The following CDC123 variants were observed in gnomAD, a reference collection of about 807,000 sequenced individuals.
CDC123 encodes translation initiation factor eIF2 assembly protein.
In CDC123, 37 loss-of-function variants were observed where a neutral mutation model predicts 54.4. The ratio of observed to expected loss-of-function variants is 0.68; its 90% CI spans 0.52 to 0.89. The LOEUF is 0.89. Ranked by LOEUF, CDC123 falls within the 40% of genes least tolerant of loss-of-function variation. CDC123 has a pLI of 0.00. For synonymous variants in CDC123, 144 were observed against 136.8 expected (o/e 1.05, Z -0.37); for missense variants, 361 against 412.1 (o/e 0.88, Z 1.07).
intron 12 of CDC123, 64 bp from the exon 13 acceptor site, chr10:12,250,247 C>A: frequency 1.0e-6 from 1 of 991,232 alleles, no homozygotes; most frequent in Non-Finnish European, 1.5e-6. Flanking sequence ...GAAAATTACA[C>A]CTGCTGAGCA....
chr10:12,246,527 C>A, intron 11 of CDC123: 1 of 357,902 alleles, frequency 2.8e-6, no homozygotes, highest in Non-Finnish European at 5.1e-6. Context: ...TTCTGTCACA[C>A]CCACCTGGAG....
At chr10:12,239,155 C>T (rs535173590) in intron 10 of CDC123, among the ~76,000 whole-genome samples, 1 of 152,026 alleles carries the variant, frequency 6.6e-6, no homozygotes, top group African/African-American at 2.4e-5. Flanking sequence ...ACCCCATCCC[C>T]TCCTCAAATT....
At chr10:12,212,083 G>A (rs925429892) in intron 4 of CDC123, among the ~76,000 whole-genome samples, 4 of 151,650 alleles carry the variant, frequency 2.6e-5, no homozygotes, top group South Asian at 2.1e-4. Context: ...GAGAGACTCC[G>A]TCTCAAAAAA....
In CDC123 at chr10:12,198,107, G is replaced by C. The variant is rs116894787; in HGVS notation, c.75-598G>C. ...TAAGTTTTTAAGAGACTTCAGGTAT[G>C]GCTTTGCCATCCTTAATTATGATTA... On this transcript the variant is annotated intron_variant, in intron 1 of 12. Transcript: ENST00000281141. Among the ~76,000 whole-genome samples the C allele has an allele frequency of 3.8e-3, 582 of 152,258 alleles. 3 individuals carry two copies. Among genetic ancestry groups the C allele is most frequent in the Non-Finnish European group, 5.5e-3 (373 of 68,014 alleles).
intron 6 of CDC123, among the ~76,000 whole-genome samples, chr10:12,229,673 A>C (rs1171770904): frequency 6.6e-6 from 1 of 152,244 alleles, no homozygotes; most frequent in Admixed American, 6.5e-5. Flanking sequence ...GACTAAGCTC[A>C]ACCAGAACAA....
Position 12,223,017 on chromosome 10 carries a change from G to A in CDC123, c.440+5550G>A, listed in dbSNP as rs374408052. Among the ~76,000 whole-genome samples the A allele has an allele frequency of 3.5e-4, 53 of 150,104 alleles. 1 individual carries two copies. Among genetic ancestry groups the A allele is most frequent in the Admixed American group, 1.3e-3 (19 of 15,062 alleles). On this transcript the variant is annotated intron_variant, in intron 6 of 12. Coordinates refer to ENST00000281141, the MANE Select transcript of CDC123 (RefSeq NM_006023.3). ...CGCCATTCTCCTGCCTCAGCCTCCCGAGTAGCTGGGACTACAGGCGCCTGC... is the reference window on the plus strand; with the variant it reads ...CGCCATTCTCCTGCCTCAGCCTCCCAAGTAGCTGGGACTACAGGCGCCTGC...
At chr10:12,239,115 A>G (rs566151541) in intron 10 of CDC123, among the ~76,000 whole-genome samples, 2 of 151,938 alleles carry the variant, frequency 1.3e-5, no homozygotes, top group Non-Finnish European at 2.9e-5. Context: ...TGATTGCGCC[A>G]CTGCTCTCCA....
At chr10:12,205,480 A>G (rs888536860) in intron 2 of CDC123, among the ~76,000 whole-genome samples, 1 of 152,250 alleles carries the variant, frequency 6.6e-6, no homozygotes, top group Non-Finnish European at 1.5e-5. Context: ...CATTTTGGAT[A>G]TAGGATCCTC....
Position 12,250,575 on chromosome 10 carries a change from G to C in CDC123, c.*238G>C. Reference sequence around the variant, plus strand: ...AACCATACTGTTCTGATAATAAAATGCTTTCTATGAAATACGTTGCTTTTC... The same window carrying C: ...AACCATACTGTTCTGATAATAAAATCCTTTCTATGAAATACGTTGCTTTTC... On this transcript the variant is annotated 3_prime_UTR_variant, in exon 13 of 13. Transcript: ENST00000281141. The C allele has an allele frequency of 2.2e-6, 1 of 451,340 alleles. No homozygotes were observed. The allele number at this position is 451,340 out of a possible 1,614,324, so 28.0% of individuals were successfully genotyped here.
At chr10:12,201,860 G>T (rs1409964407) in intron 2 of CDC123, among the ~76,000 whole-genome samples, 1 of 152,138 alleles carries the variant, frequency 6.6e-6, no homozygotes, top group Non-Finnish European at 1.5e-5. Flanking sequence ...AACTAAGATG[G>T]TGACAGTGGG....
chr10:12,209,602 C>T (rs1330045815), intron 2 of CDC123, among the ~76,000 whole-genome samples: 1 of 151,828 alleles, frequency 6.6e-6, no homozygotes, highest in Non-Finnish European at 1.5e-5. Flanking sequence ...ACGTTGTCAC[C>T]CAGGCTGGAG....
chr10:12,224,264 G>T (rs1835776082), intron 6 of CDC123, among the ~76,000 whole-genome samples: 1 of 148,650 alleles, frequency 6.7e-6, no homozygotes, highest in Admixed American at 6.7e-5. Context: ...CTTTAGTTTG[G>T]GGATAGAATA....
At chr10:12,205,524 C>T (rs1333895622) in intron 2 of CDC123, among the ~76,000 whole-genome samples, 1 of 152,168 alleles carries the variant, frequency 6.6e-6, no homozygotes, top group East Asian at 1.9e-4. Context: ...ATACATTAGG[C>T]ATATTCATAT....
intron 6 of CDC123, among the ~76,000 whole-genome samples, chr10:12,226,635 G>C (rs1435764658): frequency 6.7e-6 from 1 of 150,344 alleles, no homozygotes; most frequent in East Asian, 2.0e-4. Flanking sequence ...CGGGGCAGAG[G>C]CGCTCCTCAC....
chr10:12,224,784 T>G (rs1835783266), intron 6 of CDC123, among the ~76,000 whole-genome samples: 3 of 152,120 alleles, frequency 2.0e-5, no homozygotes, highest in Non-Finnish European at 2.9e-5. Flanking sequence ...TGGTGGTGGT[T>G]TTTTTGTTTT....
chr10:12,222,863 A>G (rs958546266), intron 6 of CDC123, among the ~76,000 whole-genome samples: 2 of 151,386 alleles, frequency 1.3e-5, no homozygotes, highest in African/African-American at 2.4e-5. Flanking sequence ...CCAGACCGAC[A>G]TGCTCATCAC....
chr10:12,209,830 C>G, intron 2 of CDC123, 137 bp from the exon 3 acceptor site: 1 of 763,884 alleles, frequency 1.3e-6, no homozygotes, highest in Non-Finnish European at 2.3e-6. Context: ...TGCCAGAGTG[C>G]TAGGATTACA....
rs1001677685 is a variant in CDC123 at position 12,226,852 on chromosome 10, G to A, written c.441-4096G>A. Among the ~76,000 whole-genome samples the A allele has an allele frequency of 1.6e-4, 25 of 152,240 alleles. 1 individual carries two copies. The South Asian group carries it at 5.0e-3, about 30-fold the overall frequency. ...AGACGCTCCTTGCTTCCCAGACGGGGTGGCGGCTGGGCAGAGGCTGCAATC... is the reference window on the plus strand; with the variant it reads ...AGACGCTCCTTGCTTCCCAGACGGGATGGCGGCTGGGCAGAGGCTGCAATC... On this transcript the variant is annotated intron_variant, in intron 6 of 12. Coordinates refer to ENST00000281141, the MANE Select transcript of CDC123 (RefSeq NM_006023.3).
At chr10:12,235,988 A>G (rs1835972403) in intron 8 of CDC123, among the ~76,000 whole-genome samples, 1 of 152,210 alleles carries the variant, frequency 6.6e-6, no homozygotes, top group African/African-American at 2.4e-5. Context: ...CTTGTCAGCA[A>G]GTCACTCTGA....
Sources: gnomAD v4.1 joint callset for allele counts (sites outside exome capture counted in the v4.1 genomes callset) on GRCh38, gnomAD v4.1.1 for gene constraint, MANE v1.5 for transcripts, NCBI Gene and HGNC (gene_info 2026-07-23, HGNC 2026-07-21) for gene names.